The following CCBE1 variants were observed in gnomAD, a reference collection of about 807,000 sequenced individuals.
CCBE1 encodes the protein collagen and calcium-binding EGF domain-containing protein 1.
CCBE1 carries 37 observed loss-of-function variants against 50.0 expected under a neutral mutation model. The ratio of observed to expected loss-of-function variants is 0.74; its 90% confidence interval spans 0.57 to 0.97. The LOEUF is 0.97. Among genes scored for constraint, CCBE1 ranks in the 50% least tolerant of loss-of-function variants. The pLI, the probability that CCBE1 is intolerant of heterozygous loss-of-function variation, is 0.00. For synonymous variants in CCBE1, 234 were observed against 203.7 expected, an observed-to-expected ratio of 1.15 and a Z score of -1.27; for missense variants, 538 against 523.8, an observed-to-expected ratio of 1.03 and a Z score of -0.26.
At chr18:59,537,742 G>T (rs528056179) in intron 2 of CCBE1, among the ~76,000 whole-genome samples, 1 of 152,136 alleles carries the variant, frequency 6.6e-6, no homozygotes, top group Non-Finnish European at 1.5e-5. Flanking sequence ...AAGGAATTTG[G>T]TGACTCCTCC....
chr18:59,669,963 C>T (rs921694493), intron 2 of CCBE1, among the ~76,000 whole-genome samples: 1 of 152,210 alleles, frequency 6.6e-6, no homozygotes, highest in African/African-American at 2.4e-5. Context: ...CTACATTTGT[C>T]TGAATATTTG....
intron 4 of CCBE1, among the ~76,000 whole-genome samples, chr18:59,467,289 AT>A (rs1555680539): frequency 1.3e-5 from 2 of 152,178 alleles, no homozygotes; most frequent in Non-Finnish European, 2.9e-5. Flanking sequence ...TATAGAGATG[AT>A]TTTTTGTGAG....
chr18:59,550,936 C>T (rs191168547), intron 2 of CCBE1, among the ~76,000 whole-genome samples: 12 of 131,838 alleles, frequency 9.1e-5, no homozygotes, highest in Non-Finnish European at 1.6e-5. Flanking sequence ...ACCCAGGAGG[C>T]GGAGCTTGCA....
intron 2 of CCBE1, among the ~76,000 whole-genome samples, chr18:59,543,131 A>G (rs1246560355): frequency 6.9e-6 from 1 of 145,642 alleles, no homozygotes; most frequent in East Asian, 1.9e-4. Context: ...ATTTTACACA[A>G]AAAGTTACCT....
At chr18:59,690,347 T>A (rs772388298) in intron 2 of CCBE1, among the ~76,000 whole-genome samples, 28 of 152,184 alleles carry the variant, frequency 1.8e-4, no homozygotes, top group Admixed American at 1.3e-4. Flanking sequence ...CTGTTTACTT[T>A]TTCATCCCGC....
chr18:59,496,385 T>TC (rs1417050161), intron 2 of CCBE1, among the ~76,000 whole-genome samples: 1 of 152,206 alleles, frequency 6.6e-6, no homozygotes, highest in Non-Finnish European at 1.5e-5. Context: ...GAAGAACCTA[T>TC]CCAAGATATT....
intron 2 of CCBE1, among the ~76,000 whole-genome samples, chr18:59,647,931 G>A (rs2054076785): frequency 6.6e-6 from 1 of 152,116 alleles, no homozygotes; most frequent in Non-Finnish European, 1.5e-5. Context: ...ATTATTCCCC[G>A]AAACTACAAA....
intron 2 of CCBE1, among the ~76,000 whole-genome samples, chr18:59,505,768 C>G (rs1235646245): frequency 6.6e-6 from 1 of 152,120 alleles, no homozygotes; most frequent in African/African-American, 2.4e-5. Flanking sequence ...GGCAGCTAAG[C>G]CCAAAGAGGG....
At chr18:59,493,843 A>T (rs1417996447) in intron 2 of CCBE1, among the ~76,000 whole-genome samples, 1 of 152,220 alleles carries the variant, frequency 6.6e-6, no homozygotes, top group African/African-American at 2.4e-5. Flanking sequence ...TAATTGAATC[A>T]TGAGGGTAGG....
chr18:59,542,683 C>G (rs1915516156), intron 2 of CCBE1, among the ~76,000 whole-genome samples: 1 of 152,158 alleles, frequency 6.6e-6, no homozygotes. Context: ...TAAAATGTGC[C>G]TGGCCAAGAG....
chr18:59,678,261 C>T (rs1276142565), intron 2 of CCBE1, among the ~76,000 whole-genome samples: 2 of 152,132 alleles, frequency 1.3e-5, no homozygotes. Context: ...AGTTAGAAAG[C>T]AGTTGCTGTG....
intron 5 of CCBE1, chr18:59,465,334 C>T (rs970358766): frequency 1.6e-5 from 2 of 128,508 alleles, no homozygotes; most frequent in African/African-American, 6.0e-5. Context: ...TCTCCTTTCT[C>T]TTTCTTCTTC....
chr18:59,567,397 G>T (rs142702235), intron 2 of CCBE1, among the ~76,000 whole-genome samples: 1 of 152,330 alleles, frequency 6.6e-6, no homozygotes, highest in East Asian at 1.9e-4. Context: ...GCCTCCCAAA[G>T]TGTTGGGATT....
intron 2 of CCBE1, among the ~76,000 whole-genome samples, chr18:59,520,947 C>A (rs930566986): frequency 6.6e-6 from 1 of 152,180 alleles, no homozygotes; most frequent in Admixed American, 6.5e-5. Context: ...AAAGTTAATA[C>A]ATTTTTGTTG....
chr18:59,480,984 CCATTCT>C lies in CCBE1; in HGVS notation c.213-752_213-747del, dbSNP rs534355467. Among the ~76,000 whole-genome samples the C allele has an allele frequency of 5.9e-4, 90 of 152,088 alleles. 1 individual carries two copies. The highest frequency in any genetic ancestry group is 1.0e-3 in the Non-Finnish European group (71 of 68,002). ...ACAACATAACATGTACAAATGTGAC[CCATTCT>C]CAAAGAGAAGACAATCAATGCTGCA... On this transcript the variant is annotated intron_variant, in intron 2 of 10. Coordinates refer to ENST00000439986, the MANE Select transcript of CCBE1 (RefSeq NM_133459.4).
At chr18:59,562,282 T>C (rs2564499) in intron 2 of CCBE1, among the ~76,000 whole-genome samples, 7,037 of 152,220 alleles carry the variant, frequency 0.046, 550 homozygotes, top group African/African-American at 0.16. Flanking sequence ...AACCAATCCA[T>C]TGGTAAACCA....
At chr18:59,693,068 G>T (rs2054757221) in intron 2 of CCBE1, among the ~76,000 whole-genome samples, 1 of 152,030 alleles carries the variant, frequency 6.6e-6, no homozygotes, top group Admixed American at 6.6e-5. Context: ...ATGGCAGTCA[G>T]TTGGAGCGAG....
At chr18:59,481,391 G>C (rs567495388) in intron 2 of CCBE1, among the ~76,000 whole-genome samples, 75 of 152,244 alleles carry the variant, frequency 4.9e-4, no homozygotes, top group African/African-American at 1.7e-3. Context: ...ACAGTAAATG[G>C]AGCAGAAAAA....
chr18:59,446,411 G>A (rs80295321), intron 7 of CCBE1, among the ~76,000 whole-genome samples: 28,609 of 152,146 alleles, frequency 0.19, 2,783 homozygotes, highest in East Asian at 0.26. Context: ...AGAGACCCCA[G>A]TCTGTTTAGA....
Sources: allele counts gnomAD v4.1 joint callset (sites outside exome capture counted in the v4.1 genomes callset), GRCh38; gene constraint gnomAD v4.1.1; transcripts MANE v1.5; gene names NCBI Gene and HGNC (gene_info 2026-07-23, HGNC 2026-07-21).